Variants in ZSWIM6 observed in about 807,000 individuals in gnomAD.
The protein encoded by ZSWIM6 is zinc finger SWIM-type containing 6, also known as zinc finger SWIM domain-containing protein 6.
A neutral mutation model predicts 113.2 loss-of-function variants in ZSWIM6; 9 were observed. The observed-to-expected ratio is 0.08, with a 90% CI of 0.05 to 0.14. The LOEUF (loss-of-function observed/expected upper bound fraction) is 0.14. Ranked by LOEUF, ZSWIM6 falls within the 10% of genes least tolerant of loss-of-function variation. The pLI, the probability that ZSWIM6 is intolerant of heterozygous loss-of-function variation, is 1.00. For synonymous variants in ZSWIM6, 611 were observed against 606.5 expected, an observed-to-expected ratio of 1.01 and a Z score of -0.11; for missense variants, 1,162 against 1,552.2, an observed-to-expected ratio of 0.75 and a Z score of 4.22.
In ZSWIM6 at chr5:61,544,932, T is replaced by C. The variant is rs1015897565; in HGVS notation, c.*615T>C. The C allele has an allele frequency of 2.0e-5, 3 of 151,928 alleles. No individual in the cohort carries two copies. The highest frequency in any genetic ancestry group is 4.4e-5 in the Non-Finnish European group (3 of 68,000). 9.4% of individuals were successfully genotyped at this position (151,928 alleles called of 1,614,324 possible). A position where few individuals can be genotyped will look rare whatever the true frequency, so the allele number is the denominator to read the frequency against. On this transcript the variant is annotated 3_prime_UTR_variant, in exon 14 of 14. Transcript: ENST00000252744. ...ATTCTCAGGGATTTATCCAAAAAAA[T>C]TAAAAAAAGAATGAGAGCATTTATT...
chr5:61,473,779 A>T (rs116715377), intron 2 of ZSWIM6, among the ~76,000 whole-genome samples: 3,622 of 152,292 alleles, frequency 0.024, 64 homozygotes, highest in South Asian at 0.046. Context: ...AAATATGTTG[A>T]AAAAAGTAAT....
intron 1 of ZSWIM6, among the ~76,000 whole-genome samples, chr5:61,407,863 T>C (rs1344056746): frequency 6.6e-6 from 1 of 152,188 alleles, no homozygotes; most frequent in Non-Finnish European, 1.5e-5. Flanking sequence ...GACAGCCTGA[T>C]TTGCATGAGG....
intron 4 of ZSWIM6, among the ~76,000 whole-genome samples, chr5:61,504,396 C>T (rs1748546824): frequency 1.3e-5 from 2 of 152,162 alleles, no homozygotes; most frequent in African/African-American, 4.8e-5. Flanking sequence ...ATACACAATA[C>T]AATCAGCATG....
chr5:61,333,712 A>G (rs780135856), intron 1 of ZSWIM6, among the ~76,000 whole-genome samples: 9 of 152,040 alleles, frequency 5.9e-5, no homozygotes, highest in Non-Finnish European at 8.8e-5. Flanking sequence ...CTTACTAATT[A>G]AAGGGCGCGA....
chr5:61,360,955 A>G (rs1216144746), intron 1 of ZSWIM6, among the ~76,000 whole-genome samples: 3 of 152,186 alleles, frequency 2.0e-5, no homozygotes, highest in Non-Finnish European at 4.4e-5. Context: ...GTTTGAATTT[A>G]GGTGTGTTAT....
rs970530172 is a variant in ZSWIM6 at position 61,531,706 on chromosome 5, A to G, written c.2226A>G (p.Gln742=). 7.7e-5 allele frequency: 120 copies of G among 1,551,550 alleles called. No individual in the cohort carries two copies. The highest frequency in any genetic ancestry group is 9.2e-5 in the Non-Finnish European group (106 of 1,146,952). ...CACTGGTGAAAATTTTTCGCAAGCA[A>G]GCAGTCTTCCTATTAGAAGGTAGCC... ...DDTLVKIFRK[Q]AVFLLEAGPY... is the part of the protein sequence containing the mutation. The change falls in exon 9 of 14, where the codon CAA becomes CAG. Residue 742 remains glutamine, a synonymous_variant. Coordinates refer to ENST00000252744, the MANE Select transcript of ZSWIM6 (RefSeq NM_020928.2).
intron 1 of ZSWIM6, among the ~76,000 whole-genome samples, chr5:61,384,376 A>G (rs548721672): frequency 9.8e-5 from 15 of 152,318 alleles, no homozygotes; most frequent in Non-Finnish European, 1.5e-5. Flanking sequence ...GCTGGTAAGA[A>G]TTCTTCTGAA....
At chr5:61,442,040 T>C (rs1017574538) in intron 1 of ZSWIM6, among the ~76,000 whole-genome samples, 1 of 151,828 alleles carries the variant, frequency 6.6e-6, no homozygotes, top group Admixed American at 6.6e-5. Flanking sequence ...TGTGGGAAAA[T>C]AGGAATTAGC....
intron 3 of ZSWIM6, among the ~76,000 whole-genome samples, chr5:61,491,195 A>G (rs1457560576): frequency 2.6e-5 from 4 of 152,020 alleles, no homozygotes; most frequent in Admixed American, 6.6e-5. Flanking sequence ...ACCTCTTACA[A>G]TAATAAAAGC....
intron 1 of ZSWIM6, among the ~76,000 whole-genome samples, chr5:61,471,113 C>A (rs934783938): frequency 1.3e-5 from 2 of 152,172 alleles, no homozygotes; most frequent in Non-Finnish European, 2.9e-5. Flanking sequence ...CAGTGGCTAG[C>A]TAGATGAATT....
intron 2 of ZSWIM6, among the ~76,000 whole-genome samples, chr5:61,483,807 G>T (rs1012112462): frequency 2.6e-5 from 4 of 151,486 alleles, no homozygotes; most frequent in Admixed American, 1.3e-4. Flanking sequence ...AACCCAGGAG[G>T]CAGAGCTTGC....
At chr5:61,334,487 GTTCCTTTTATCC>G (rs1744346857) in intron 1 of ZSWIM6, among the ~76,000 whole-genome samples, 1 of 152,280 alleles carries the variant, frequency 6.6e-6, no homozygotes, top group South Asian at 2.1e-4. Context: ...TCTGTAGTCA[GTTCCTTTTATCC>G]TTCTTTTCTT....
At chr5:61,515,441 A>G (rs1748907351) in intron 4 of ZSWIM6, among the ~76,000 whole-genome samples, 1 of 152,118 alleles carries the variant, frequency 6.6e-6, no homozygotes, top group Admixed American at 6.6e-5. Flanking sequence ...TTGCTGCATC[A>G]TTCCATGACA....
intron 2 of ZSWIM6, among the ~76,000 whole-genome samples, chr5:61,487,061 T>G (rs1483126697): frequency 6.6e-6 from 1 of 152,078 alleles, no homozygotes; most frequent in Non-Finnish European, 1.5e-5. Context: ...GTTACAGGTC[T>G]TACATTTTAT....
chr5:61,541,418 C>CA (rs1440625703), intron 12 of ZSWIM6, among the ~76,000 whole-genome samples: 1 of 152,116 alleles, frequency 6.6e-6, no homozygotes, highest in Non-Finnish European at 1.5e-5. Flanking sequence ...AAAGAGCAAT[C>CA]AGAGATTGAA....
rs140933191 is a variant in ZSWIM6 at position 61,514,445 on chromosome 5, G to A, written c.1334-6818G>A. Among the ~76,000 whole-genome samples, 174 of 151,898 alleles carry A rather than the reference G, an allele frequency of 1.1e-3. 1 individual carries two copies. Among genetic ancestry groups the A allele is most frequent in the African/African-American group, 4.0e-3 (166 of 41,426 alleles). ...AAGTGGTAAGAGCAGACATCTTTGCGTTGTTTCTATCTTAGGGGAAGAATA... is the reference window on the plus strand; with the variant it reads ...AAGTGGTAAGAGCAGACATCTTTGCATTGTTTCTATCTTAGGGGAAGAATA... On this transcript the variant is annotated intron_variant, in intron 4 of 13. Coordinates refer to ENST00000252744, the MANE Select transcript of ZSWIM6 (RefSeq NM_020928.2).
intron 1 of ZSWIM6, among the ~76,000 whole-genome samples, chr5:61,440,291 G>A (rs1297449960): frequency 2.7e-5 from 4 of 150,714 alleles, no homozygotes; most frequent in East Asian, 1.9e-4. Flanking sequence ...TCTGGCATAC[G>A]GCCCAGATCT....
chr5:61,458,834 T>C (rs12517711), intron 1 of ZSWIM6, among the ~76,000 whole-genome samples: 57,155 of 149,540 alleles, frequency 0.38, 10,979 homozygotes, highest in South Asian at 0.43. Context: ...GCCGAGATCA[T>C]GCCACTGCCC....
chr5:61,407,701 T>C (rs1410350742), intron 1 of ZSWIM6, among the ~76,000 whole-genome samples: 2 of 152,126 alleles, frequency 1.3e-5, no homozygotes, highest in Non-Finnish European at 2.9e-5. Context: ...CACAGAGAAA[T>C]ACAAATGGCT....
Sources: allele counts gnomAD v4.1 joint callset (sites outside exome capture counted in the v4.1 genomes callset), GRCh38; gene constraint gnomAD v4.1.1; transcripts MANE v1.5; gene names NCBI Gene and HGNC (gene_info 2026-07-23, HGNC 2026-07-21).